The following PLEC variants were observed in gnomAD, a reference collection of about 807,000 sequenced individuals.
PLEC encodes plectin.
PLEC carries 216 observed loss-of-function variants against 392.8 expected under a neutral mutation model. That is an observed-to-expected ratio of 0.55 (90% CI 0.49 to 0.62). PLEC has a LOEUF of 0.62. Ranked by LOEUF, PLEC falls within the 20% of genes least tolerant of loss-of-function variation. The pLI is 0.00. For synonymous variants in PLEC, 3,621 were observed against 2,980.6 expected, an observed-to-expected ratio of 1.21 and a Z score of -7.00; for missense variants, 6,863 against 6,563.4, an observed-to-expected ratio of 1.05 and a Z score of -1.58.
Position 143,922,917 on chromosome 8 carries a change from G to A in PLEC, c.7012C>T (p.Leu2338Phe). The change falls in exon 31 of 32, where the codon CTT becomes TTT. Residue 2338 changes from leucine (L) to phenylalanine (F), a missense_variant. Coordinates refer to ENST00000345136, the MANE Select transcript of PLEC (RefSeq NM_201384.3). ...AGCCGCCGCGCCTGCTCCTGCGCAA[G>A]CTCCTTCTGCTGCTGCAGCAGTTCC... is the stretch of plus-strand genomic sequence containing the variant. ...EAELLQQQKE[L>F]AQEQARRLQE... 6.3e-7 allele frequency: 1 copy of A among 1,599,650 alleles called. No homozygotes were observed. Among genetic ancestry groups the A allele is most frequent in the Non-Finnish European group, 8.5e-7 (1 of 1,173,576 alleles).
In PLEC at chr8:143,929,802, G is replaced by A. The variant is rs782037610; in HGVS notation, c.2767C>T (p.Arg923Cys). Reference protein sequence around the residue: ...TFRTLKPEEQRQALHSLELHY... With the variant: ...TFRTLKPEEQCQALHSLELHY... ...AGCTCCAGGCTGTGCAGGGCTTGGC[G>A]CTGCTCCTCTGGCTTCAGGGTGCGG... The change falls in exon 23 of 32, where the codon CGC becomes TGC. Residue 923 changes from arginine (R) to cysteine (C), a missense_variant. Arg to Cys is a radical substitution (Grantham distance 180). Coordinates refer to ENST00000345136, the MANE Select transcript of PLEC (RefSeq NM_201384.3). The A allele has an allele frequency of 3.1e-6, 5 of 1,598,944 alleles. No individual in the cohort carries two copies. The Admixed American group carries it at 5.0e-5, about 16-fold the overall frequency.
At chr8:143,945,014 G>A (rs572889931) in intron 1 of PLEC, among the ~76,000 whole-genome samples, 221 of 144,208 alleles carry the variant, frequency 1.5e-3, no homozygotes, top group African/African-American at 6.2e-3. Flanking sequence ...AGCAGGGCGC[G>A]GGAGGTGCGG....
At chr8:143,926,156 G>C (rs559186491) in intron 30 of PLEC, among the ~76,000 whole-genome samples, 1 of 152,324 alleles carries the variant, frequency 6.6e-6, no homozygotes, top group Admixed American at 6.5e-5. Context: ...AGACGGACGG[G>C]GAGAGAGAGA....
Position 143,925,601 on chromosome 8 carries a change from G to A in PLEC, c.4328C>T (p.Ala1443Val). The change falls in exon 31 of 32, where the codon GCT (alanine) becomes GTT (valine). Residue 1443 changes from alanine to valine, a missense_variant. Ala to Val is a moderately conservative substitution (Grantham distance 64). Transcript: ENST00000345136. ...IQAKARQAEA[A>V]ERSRLRIEEE... ...CTCGATGCGCAGCCGGCTGCGCTCA[G>A]CCGCCTCTGCCTGCCGGGCCTTGGC... is the stretch of plus-strand genomic sequence containing the variant. 6.4e-7 allele frequency: 1 copy of A among 1,571,666 alleles called. No homozygotes were observed. The highest frequency in any genetic ancestry group is 8.6e-7 in the Non-Finnish European group (1 of 1,166,920).
Position 143,923,268 on chromosome 8 carries a change from G to A in PLEC, c.6661C>T (p.Arg2221Cys), listed in dbSNP as rs377275586. 36 of 1,606,606 alleles carry A rather than the reference G, an allele frequency of 2.2e-5. No homozygotes were observed. Among genetic ancestry groups the A allele is most frequent in the Middle Eastern group, 3.3e-4 (2 of 6,062 alleles). The change falls in exon 31 of 32, where the codon CGC (arginine) becomes TGC (cysteine). Residue 2221 changes from arginine (R) to cysteine (C), a missense_variant. Coordinates refer to ENST00000345136, the MANE Select transcript of PLEC (RefSeq NM_201384.3). The part of the protein sequence containing the change: ...RLKAEATEAA[R>C]QRSQVEEELF... ...TCCTCCTCCACCTGGCTGCGCTGGC[G>A]TGCGGCCTCCGTGGCCTCCGCCTTC...
In PLEC at chr8:143,938,236, T is replaced by C. The variant is rs782575353; in HGVS notation, c.179A>G (p.Gln60Arg). The stretch of plus-strand genomic sequence containing the variant: ...TTCATACAGGTCACTGATGTGCCTC[T>C]GGGCCTGTGGGGACAGCAGCGGCTG... The part of the protein sequence containing the change: ...KWVNKHLIKA[Q>R]RHISDLYEDL... Residue 60 changes from glutamine (Q) to arginine (R), a missense_variant, in exon 3 of 32, where the codon CAG becomes CGG. Gln to Arg is a conservative substitution (Grantham distance 43, BLOSUM62 1). Coordinates refer to ENST00000345136, the MANE Select transcript of PLEC (RefSeq NM_201384.3). 2 of 1,599,008 alleles carry C rather than the reference T, an allele frequency of 1.3e-6. No individual in the cohort carries two copies. Among genetic ancestry groups the C allele is most frequent in the South Asian group, 2.2e-5 (2 of 89,222 alleles).
At position 143,935,822 on chromosome 8, in the gene PLEC, AGCCCCCT is replaced by A. The variant is rs782126042; in HGVS notation, c.602+19_602+25del. ...CGCTGTGGGGGTGCCCCCAGCCCAC[AGCCCCCT>A]GCCCCCGGGGCCATGTACTTGTGCC... On this transcript the variant is annotated intron_variant, in intron 6 of 31. Transcript: ENST00000345136. The A allele has an allele frequency of 6.2e-7, 1 of 1,611,626 alleles. No individual in the cohort carries two copies. The highest frequency in any genetic ancestry group is 8.5e-7 in the Non-Finnish European group (1 of 1,179,390).
chr8:143,923,528 G>A lies in PLEC; in HGVS notation c.6401C>T (p.Ala2134Val), dbSNP rs1554692840. ...QAQARAQAQA[A>V]AEKLRKEAEQ... ...GGCCTCCTTGCGCAGCTTCTCTGCA[G>A]CCGCCTGTGCCTGAGCCCGGGCCTG... Residue 2134 changes from alanine to valine, a missense_variant, in exon 31 of 32, where the codon GCT becomes GTT. Physicochemically the swap from Ala to Val is moderately conservative, Grantham distance 64. Coordinates refer to ENST00000345136, the MANE Select transcript of PLEC (RefSeq NM_201384.3). The A allele has an allele frequency of 1.3e-6, 2 of 1,597,966 alleles. No individual in the cohort carries two copies. Among genetic ancestry groups the A allele is most frequent in the East Asian group, 4.5e-5 (2 of 44,632 alleles).
upstream of PLEC, chr8:143,975,036 G>C (rs909875643): frequency 6.4e-6 from 6 of 944,218 alleles, no homozygotes; most frequent in African/African-American, 8.1e-5. The surrounding 1 kb of genome is among the most constrained non-coding windows in gnomAD (Gnocchi z 9.9). Flanking sequence ...GCACTCACCT[G>C]GGACGCGCGA....
Position 143,920,187 on chromosome 8 carries a change from G to A in PLEC, c.9634C>T (p.Leu3212Phe). The A allele has an allele frequency of 1.2e-6, 2 of 1,611,330 alleles. No individual in the cohort carries two copies. The highest frequency in any genetic ancestry group is 1.1e-5 in the South Asian group (1 of 91,056). The change falls in exon 32 of 32, where the codon CTC (leucine) becomes TTC (phenylalanine). Residue 3212 changes from leucine to phenylalanine, a missense_variant. Transcript: ENST00000345136. ...DQLTGLSLLP[L>F]SEKAARARQE... ...CGGGCCCGAGCAGCCTTTTCTGAGAGCGGCAGCAGGCTCAGCCCGGTCAGC... is the reference window on the plus strand; with the variant it reads ...CGGGCCCGAGCAGCCTTTTCTGAGAACGGCAGCAGGCTCAGCCCGGTCAGC...
rs1402714303 is a variant in PLEC, at chr8:143,920,680, G to C, written c.9141C>G (p.Asp3047Glu). The C allele has an allele frequency of 1.2e-6, 2 of 1,603,122 alleles. No homozygotes were observed. Reference protein sequence around the residue: ...KLSIYNALKKDLLPSDMAVAL... With the variant: ...KLSIYNALKKELLPSDMAVAL... Reference sequence around the variant, plus strand: ...CCACGGCCATGTCGGATGGCAGCAGGTCTTTCTTCAGGGCATTGTAGATAC... The same window carrying C: ...CCACGGCCATGTCGGATGGCAGCAGCTCTTTCTTCAGGGCATTGTAGATAC... Residue 3047 changes from aspartate to glutamate, a missense_variant, in exon 32 of 32, where the codon GAC becomes GAG. Transcript: ENST00000345136.
chr8:143,940,081 C>T (rs1830155597), upstream of PLEC, among the ~76,000 whole-genome samples: 2 of 152,240 alleles, frequency 1.3e-5, no homozygotes, highest in South Asian at 4.1e-4. Flanking sequence ...CCTGTCAGCT[C>T]TTGCAGCCCC....
At chr8:143,951,883 C>G (rs1554736905), upstream of PLEC, among the ~76,000 whole-genome samples, 5 of 152,248 alleles carry the variant, frequency 3.3e-5, no homozygotes, top group African/African-American at 1.2e-4. Context: ...CTCCCCGCCC[C>G]GCTGCTGCCG....
Position 143,923,716 on chromosome 8 carries a change from C to T in PLEC, c.6213G>A (p.Gln2071=), listed in dbSNP as rs1823791732. The change falls in exon 31 of 32, where the codon CAG becomes CAA. Residue 2071 remains glutamine (Q), a synonymous_variant. Transcript: ENST00000345136. ...GCAGCTGGTCCAGCACGCTCTGCTC[C>T]TGCTGCAGCGTCTGCTGTAGCTCCT... ...KEQELQQTLQ[Q]EQSVLDQLRG... 6.5e-7 allele frequency: 1 copy of T among 1,544,686 alleles called. No individual in the cohort carries two copies. Among genetic ancestry groups the T allele is most frequent in the Middle Eastern group, 1.7e-4 (1 of 5,942 alleles).
chr8:143,915,802 A>G lies in PLEC; in HGVS notation c.*375T>C. On this transcript the variant is annotated 3_prime_UTR_variant, in exon 32 of 32. Coordinates refer to ENST00000345136, the MANE Select transcript of PLEC (RefSeq NM_201384.3). ...CGTGCAGGCCAGTGCTAGAAACACC[A>G]GGGCCCTCTACAGACAGGGTTGGGC... 1 of 177,536 alleles carries G rather than the reference A, an allele frequency of 5.6e-6. No individual in the cohort carries two copies. The highest frequency in any genetic ancestry group is 1.6e-4 in the East Asian group (1 of 6,128). The allele number at this position is 177,536 out of a possible 1,614,324, so 11.0% of individuals were successfully genotyped here.
At position 143,932,721 on chromosome 8, in the gene PLEC, G is replaced by C. The variant is rs1554717956; in HGVS notation, c.1738-9C>G. On this transcript the variant is annotated splice_polypyrimidine_tract_variant and intron_variant, in intron 14 of 31. Transcript: ENST00000345136. ...GCGGGGGAGAGCTGGCCCTGCAACA[G>C]ATGAGACGGTGAGGTCTGCAGTGGC... 1 of 1,607,358 alleles carries C rather than the reference G, an allele frequency of 6.2e-7. No individual in the cohort carries two copies. The highest frequency in any genetic ancestry group is 8.5e-7 in the Non-Finnish European group (1 of 1,177,616).
intron 1 of PLEC, among the ~76,000 whole-genome samples, chr8:143,971,706 T>C (rs1201484182): frequency 2.0e-5 from 3 of 152,184 alleles, no homozygotes; most frequent in Non-Finnish European, 4.4e-5. Context: ...CCTGCCTTGC[T>C]GTTTAGCCAC....
chr8:143,932,608 C>T (rs1554717525), intron 15 of PLEC, 27 bp downstream of exon 15: 3 of 1,611,754 alleles, frequency 1.9e-6, no homozygotes, highest in Non-Finnish European at 2.5e-6. Flanking sequence ...CTACCCACCT[C>T]CCCCGGCTGG....
At position 143,927,541 on chromosome 8, in the gene PLEC, G is replaced by C; in HGVS notation, c.3625C>G (p.Leu1209Val). The C allele has an allele frequency of 6.3e-7, 1 of 1,596,710 alleles. No individual in the cohort carries two copies. The highest frequency in any genetic ancestry group is 1.3e-5 in the African/African-American group (1 of 75,004). ...QRELEQLGRQLRYYRESADPL... is the reference protein window; with the variant it reads ...QRELEQLGRQVRYYRESADPL... Reference sequence around the variant, plus strand: ...TCTGCACTCTCGCGGTAGTAACGCAGCTGGCGGCCCAGTTGCTCGAGCTCG... The same window carrying C: ...TCTGCACTCTCGCGGTAGTAACGCACCTGGCGGCCCAGTTGCTCGAGCTCG... The change falls in exon 27 of 32, where the codon CTG (leucine) becomes GTG (valine). Residue 1209 changes from leucine (L) to valine (V), a missense_variant. Transcript: ENST00000345136.
Sources: allele counts gnomAD v4.1 joint callset (sites outside exome capture counted in the v4.1 genomes callset), GRCh38; gene constraint gnomAD v4.1.1; non-coding constraint Gnocchi (gnomAD v3.1); transcripts MANE v1.5; gene names NCBI Gene and HGNC (gene_info 2026-07-23, HGNC 2026-07-21).